DCP2: variants seen among roughly 807,000 people sequenced by gnomAD.
DCP2 encodes m7GpppN-mRNA hydrolase.
Under a neutral mutation model 56.1 loss-of-function variants are expected in DCP2, and 30 were observed. That is an observed-to-expected ratio of 0.53 (90% CI 0.40 to 0.73). The LOEUF (loss-of-function observed/expected upper bound fraction) is 0.73. DCP2 is among the 30% of genes least tolerant of loss of function. The pLI is 0.00. For synonymous variants in DCP2, 197 were observed against 163.3 expected (o/e 1.21, Z -1.57); for missense variants, 533 against 502.7 (o/e 1.06, Z -0.58).
At chr5:112,987,620 CTT>C (rs562254738) in intron 2 of DCP2, among the ~76,000 whole-genome samples, 12 of 69,730 alleles carry the variant, frequency 1.7e-4, no homozygotes, top group African/African-American at 5.0e-4. Flanking sequence ...ACCTAGGTGC[CTT>C]TTTTTTTTTT....
rs1366220648 is a variant in DCP2 at position 113,021,176 on chromosome 5, G to A, written c.*7692G>A. Among the ~76,000 whole-genome samples the A allele has an allele frequency of 1.3e-5, 2 of 152,014 alleles. No homozygotes were observed. Among genetic ancestry groups the A allele is most frequent in the African/African-American group, 2.4e-5 (1 of 41,390 alleles). ...GGGTGGATCACGAGGTCAGGAGTTC[G>A]AGACCAGCCTGACCAACATGGTGAA... On this transcript the variant is annotated 3_prime_UTR_variant, in exon 11 of 11. Coordinates refer to ENST00000389063, the MANE Select transcript of DCP2 (RefSeq NM_152624.6).
intron 1 of DCP2, among the ~76,000 whole-genome samples, chr5:112,982,145 C>G (rs1047225314): frequency 6.6e-6 from 1 of 151,974 alleles, no homozygotes; most frequent in Non-Finnish European, 1.5e-5. Flanking sequence ...GGTGTTTTTG[C>G]TTCACATTTG....
At chr5:112,982,463 C>T (rs1432437442) in intron 1 of DCP2, among the ~76,000 whole-genome samples, 6 of 152,092 alleles carry the variant, frequency 3.9e-5, no homozygotes, top group Non-Finnish European at 8.8e-5. Flanking sequence ...TTTGCTTGTG[C>T]GCATTTTAAG....
chr5:112,989,625 A>G (rs1478859164), intron 2 of DCP2, among the ~76,000 whole-genome samples: 1 of 152,198 alleles, frequency 6.6e-6, no homozygotes, highest in Non-Finnish European at 1.5e-5. Context: ...AAACAGATTA[A>G]AAAAACTTAT....
intron 2 of DCP2, among the ~76,000 whole-genome samples, chr5:112,987,253 C>G (rs752031034): frequency 6.6e-6 from 1 of 151,964 alleles, no homozygotes; most frequent in Non-Finnish European, 1.5e-5. Flanking sequence ...AGGATTTTCT[C>G]AGTAGAAGTG....
Position 113,001,338 on chromosome 5 carries a change from A to C in DCP2, c.586-19A>C. ...TTGATAAAAATTAACTAAATGAATTATTTTCTTCTGTGTTTCAGAACATTG... is the reference window on the plus strand; with the variant it reads ...TTGATAAAAATTAACTAAATGAATTCTTTTCTTCTGTGTTTCAGAACATTG... On this transcript the variant is annotated intron_variant, in intron 5 of 10. Coordinates refer to ENST00000389063, the MANE Select transcript of DCP2 (RefSeq NM_152624.6). The C allele has an allele frequency of 1.2e-6, 2 of 1,600,016 alleles. No individual in the cohort carries two copies. The highest frequency in any genetic ancestry group is 1.7e-6 in the Non-Finnish European group (2 of 1,174,448).
intron 6 of DCP2, 21 bp downstream of exon 6, chr5:113,001,490 A>T (rs1190475232): frequency 6.8e-6 from 11 of 1,610,500 alleles, no homozygotes; most frequent in Non-Finnish European, 8.5e-6. Context: ...ATTTCTTGAA[A>T]TGTAACTTTC....
At chr5:113,004,328 A>T (rs1580825821) in intron 8 of DCP2, among the ~76,000 whole-genome samples, 1 of 152,246 alleles carries the variant, frequency 6.6e-6, no homozygotes, top group Non-Finnish European at 1.5e-5. Flanking sequence ...AGGTTCATTT[A>T]AAAATAAGTC....
intron 4 of DCP2, 57 bp from the exon 5 acceptor site, chr5:113,001,027 A>G: frequency 1.3e-6 from 2 of 1,482,878 alleles, no homozygotes; most frequent in South Asian, 1.3e-5. Flanking sequence ...ATAAATTTTA[A>G]TGAACTAGAG....
chr5:112,994,647 A>G (rs1748766107), intron 4 of DCP2, among the ~76,000 whole-genome samples: 1 of 152,180 alleles, frequency 6.6e-6, no homozygotes, highest in African/African-American at 2.4e-5. Flanking sequence ...ACAATTTATC[A>G]TGTATCACAC....
At position 113,019,020 on chromosome 5, in the gene DCP2, C is replaced by G. The variant is rs1750003434; in HGVS notation, c.*5536C>G. Reference sequence around the variant, plus strand: ...GTTCTAGAGTGAAATGGGCAGTGTTCTGCTGGTCCTCAGTCTTTGAGAGGT... The same window carrying G: ...GTTCTAGAGTGAAATGGGCAGTGTTGTGCTGGTCCTCAGTCTTTGAGAGGT... On this transcript the variant is annotated 3_prime_UTR_variant, in exon 11 of 11. Transcript: ENST00000389063. The G allele has an allele frequency of 6.6e-6, 1 of 152,194 alleles. No individual in the cohort carries two copies. Among genetic ancestry groups the G allele is most frequent in the Non-Finnish European group, 1.5e-5 (1 of 68,052 alleles). The allele number at this position is 152,194 out of a possible 1,614,324, so 9.4% of individuals were successfully genotyped here. A position where few individuals can be genotyped will look rare whatever the true frequency, so the allele number is the denominator to read the frequency against.
At chr5:112,991,266 A>G (rs1748574656) in intron 2 of DCP2, among the ~76,000 whole-genome samples, 1 of 152,182 alleles carries the variant, frequency 6.6e-6, no homozygotes, top group Non-Finnish European at 1.5e-5. Context: ...TAAAAGTATG[A>G]CCTCATTTTG....
chr5:113,003,895 A>G (rs752515860), intron 7 of DCP2, 47 bp from the exon 8 acceptor site: 20 of 1,604,422 alleles, frequency 1.2e-5, no homozygotes, highest in East Asian at 1.1e-4. Context: ...TAAAAGAACT[A>G]TAAGTGAACA....
At chr5:112,977,657 C>A (rs1025575209) in intron 1 of DCP2, among the ~76,000 whole-genome samples, 1 of 152,168 alleles carries the variant, frequency 6.6e-6, no homozygotes, top group Non-Finnish European at 1.5e-5. Flanking sequence ...GGTTTTAACT[C>A]AGGGTGTATA....
chr5:112,978,492 T>C (rs1384122155), intron 1 of DCP2, among the ~76,000 whole-genome samples: 1 of 152,194 alleles, frequency 6.6e-6, no homozygotes, highest in East Asian at 1.9e-4. Flanking sequence ...GTGCTTTTTC[T>C]CTCATACCAA....
At position 113,004,057 on chromosome 5, in the gene DCP2, T is replaced by A; in HGVS notation, c.922T>A (p.Ser308Thr). ...GCCATATAATAATCATTCTGAAATG[T>A]CTGACCTTTTAAAAGGAAAGGTGAG... ...QKPYNNHSEM[S>T]DLLKGKNQSM... The change falls in exon 8 of 11, where the codon TCT (serine) becomes ACT (threonine). Residue 308 changes from serine to threonine, a missense_variant. Transcript: ENST00000389063. The A allele has an allele frequency of 6.2e-7, 1 of 1,613,880 alleles. No homozygotes were observed. The highest frequency in any genetic ancestry group is 8.5e-7 in the Non-Finnish European group (1 of 1,179,946).
intron 8 of DCP2, among the ~76,000 whole-genome samples, chr5:113,004,836 T>C (rs1447907114): frequency 1.3e-5 from 2 of 151,896 alleles, no homozygotes; most frequent in African/African-American, 2.4e-5. Context: ...TTTAAAAATA[T>C]ACTGGGCTTG....
chr5:113,004,018 C>G lies in DCP2; in HGVS notation c.883C>G (p.Pro295Ala). 6.2e-7 allele frequency: 1 copy of G among 1,614,070 alleles called. No individual in the cohort carries two copies. Residue 295 changes from proline to alanine, a missense_variant, in exon 8 of 11, where the codon CCA becomes GCA. Transcript: ENST00000389063. ...TGACCAGTGGGTAAAGCACAGGCAACCACTGCAGCAAAAGCCATATAATAA... is the reference window on the plus strand; with the variant it reads ...TGACCAGTGGGTAAAGCACAGGCAAGCACTGCAGCAAAAGCCATATAATAA... ...PGDQWVKHRQ[P>A]LQQKPYNNHS...
rs188707709 is a variant in DCP2, at chr5:113,000,820, G to T, written c.433-264G>T. ...TTATTCTGGGAAAGATATATAGTTT[G>T]TGTGTGTTTGAATGTCAGCAATCAG... is the stretch of plus-strand genomic sequence containing the variant. On this transcript the variant is annotated intron_variant, in intron 4 of 10. Transcript: ENST00000389063. Among the ~76,000 whole-genome samples, 82 of 152,326 alleles carry T rather than the reference G, an allele frequency of 5.4e-4. 1 individual carries two copies. Among genetic ancestry groups the T allele is most frequent in the Admixed American group, 4.7e-3 (72 of 15,312 alleles).
Sources: allele counts gnomAD v4.1 joint callset (sites outside exome capture counted in the v4.1 genomes callset), GRCh38; gene constraint gnomAD v4.1.1; transcripts MANE v1.5; gene names NCBI Gene and HGNC (gene_info 2026-07-23, HGNC 2026-07-21).